The following KLLN variants were observed in gnomAD, a reference collection of about 807,000 sequenced individuals.
The protein encoded by KLLN is killin.
For missense variants in KLLN, 340 were observed against 241.3 expected (o/e 1.41, Z -2.71); for synonymous variants, 142 against 102.2 (o/e 1.39, Z -2.35).
chr10:87,862,145 C>T lies in KLLN; in HGVS notation c.343G>A (p.Ala115Thr), dbSNP rs1273305925. 2 of 1,550,608 alleles carry T rather than the reference C, an allele frequency of 1.3e-6. No homozygotes were observed. ...CGCTCCTTCGGGAGGCTGGTCCGAG[C>T]CCCTGTTTCCGCCGCGGCGCAGGAA... ...NPSCAAAETG[A>T]RTSLPKERCR... is the part of the protein sequence containing the mutation. The change falls in exon 1 of 1, where the codon GCT (alanine) becomes ACT (threonine). Residue 115 changes from alanine (A) to threonine (T), a missense_variant. Physicochemically the swap from Ala to Thr is moderately conservative, Grantham distance 58. Transcript: ENST00000445946.
In KLLN at chr10:87,862,444, A is replaced by C; in HGVS notation, c.44T>G (p.Val15Gly). 1 of 1,551,272 alleles carries C rather than the reference A, an allele frequency of 6.4e-7. No individual in the cohort carries two copies. The highest frequency in any genetic ancestry group is 8.7e-7 in the Non-Finnish European group (1 of 1,146,828). The stretch of plus-strand genomic sequence containing the variant: ...CTCAACCCGGTAACCCCAAACGTGC[A>C]CGGTCCGGCCGGGGCGCGCGGAGCC... ...GPGSARPGRT[V>G]HVWGYRVEWK... The change falls in exon 1 of 1, where the codon GTG becomes GGG. Residue 15 changes from valine to glycine, a missense_variant. By Grantham distance (109) the Val-to-Gly change is moderately radical. Coordinates refer to ENST00000445946, the MANE Select transcript of KLLN (RefSeq NM_001126049.2).
chr10:87,862,560 G>A lies in KLLN; in HGVS notation c.-73C>T. 7.4e-7 allele frequency: 1 copy of A among 1,358,004 alleles called. No homozygotes were observed. The highest frequency in any genetic ancestry group is 1.0e-6 in the Non-Finnish European group (1 of 1,003,696). 84.1% of individuals were successfully genotyped at this position (1,358,004 alleles called of 1,614,324 possible). Reference sequence around the variant, plus strand: ...TCTGAGAACCGAGCTTGACTCCGACGCCGCGAACCGACCTGGAGCCCGAGG... The same window carrying A: ...TCTGAGAACCGAGCTTGACTCCGACACCGCGAACCGACCTGGAGCCCGAGG... On this transcript the variant is annotated 5_prime_UTR_variant, in exon 1 of 1. Coordinates refer to ENST00000445946, the MANE Select transcript of KLLN (RefSeq NM_001126049.2).
chr10:87,862,294 G>C, the KLLN span: 10 of 1,551,766 alleles, frequency 6.4e-6, no homozygotes, highest in South Asian at 1.2e-5. Flanking sequence ...GGACACACGT[G>C]ACCTCCTTCG....
At position 87,862,263 on chromosome 10, in the gene KLLN, T is replaced by C; in HGVS notation, c.225A>G (p.Lys75=). The part of the protein sequence containing the change: ...SRVSLVGELS[K]FPLPSDSSGG... ...CGGAGCTATCACTGGGGAGTGGGAA[T>C]TTGGAAAGTTCCCCAACTAGGGACA... is the stretch of plus-strand genomic sequence containing the variant. The change falls in exon 1 of 1, where the codon AAA becomes AAG. Residue 75 remains lysine (K), a synonymous_variant. Transcript: ENST00000445946. The C allele has an allele frequency of 1.3e-6, 2 of 1,551,634 alleles. No homozygotes were observed. Among genetic ancestry groups the C allele is most frequent in the Non-Finnish European group, 1.7e-6 (2 of 1,146,958 alleles).
In KLLN at chr10:87,862,558, A is replaced by G. The variant is rs1162298547; in HGVS notation, c.-71T>C. On this transcript the variant is annotated 5_prime_UTR_variant, in exon 1 of 1. Coordinates refer to ENST00000445946, the MANE Select transcript of KLLN (RefSeq NM_001126049.2). ...TCTCTGAGAACCGAGCTTGACTCCG[A>G]CGCCGCGAACCGACCTGGAGCCCGA... is the stretch of plus-strand genomic sequence containing the variant. 7.3e-7 allele frequency: 1 copy of G among 1,375,350 alleles called. No homozygotes were observed. Among genetic ancestry groups the G allele is most frequent in the Admixed American group, 2.6e-5 (1 of 38,580 alleles). The allele number at this position is 1,375,350 out of a possible 1,614,324, so 85.2% of individuals were successfully genotyped here.
Position 87,860,894 on chromosome 10 carries a change from C to T in KLLN, c.*1057G>A, listed in dbSNP as rs970788362. 2 of 152,222 alleles carry T rather than the reference C, an allele frequency of 1.3e-5. No homozygotes were observed. Among genetic ancestry groups the T allele is most frequent in the African/African-American group, 2.4e-5 (1 of 41,452 alleles). 9.4% of individuals were successfully genotyped at this position (152,222 alleles called of 1,614,324 possible). ...ATACAATAATGAAATCTGTAGTTCACGCTAGGCTGTGTGGACAGTATCTGC... is the reference window on the plus strand; with the variant it reads ...ATACAATAATGAAATCTGTAGTTCATGCTAGGCTGTGTGGACAGTATCTGC... On this transcript the variant is annotated 3_prime_UTR_variant, in exon 1 of 1. Coordinates refer to ENST00000445946, the MANE Select transcript of KLLN (RefSeq NM_001126049.2).
At position 87,861,163 on chromosome 10, in the gene KLLN, G is replaced by C. The variant is rs894378768; in HGVS notation, c.*788C>G. On this transcript the variant is annotated 3_prime_UTR_variant, in exon 1 of 1. Transcript: ENST00000445946. ...CTCTAAGAACACTGTAAATATCCCA[G>C]GTTTAATTAGTAGTCCCGGAGTTAG... 6.6e-6 allele frequency: 1 copy of C among 152,190 alleles called. No individual in the cohort carries two copies. The highest frequency in any genetic ancestry group is 1.9e-4 in the East Asian group (1 of 5,204). 9.4% of individuals were successfully genotyped at this position (152,190 alleles called of 1,614,324 possible).
rs933395736 is a variant in KLLN at position 87,859,609 on chromosome 10, T to C, written c.*2342A>G. 6.6e-6 allele frequency: 1 copy of C among 152,174 alleles called. No individual in the cohort carries two copies. The highest frequency in any genetic ancestry group is 2.4e-5 in the African/African-American group (1 of 41,406). 9.4% of individuals were successfully genotyped at this position (152,174 alleles called of 1,614,324 possible). On this transcript the variant is annotated 3_prime_UTR_variant, in exon 1 of 1. Coordinates refer to ENST00000445946, the MANE Select transcript of KLLN (RefSeq NM_001126049.2). ...GGAATCAGCTGTTAGAAGCGATAAT[T>C]AAAGCTAGTTTACCATGCTTACTAA...
Position 87,862,415 on chromosome 10 carries a change from T to C in KLLN, c.73A>G (p.Lys25Glu), listed in dbSNP as rs752734295. 1.9e-6 allele frequency: 3 copies of C among 1,551,568 alleles called. No individual in the cohort carries two copies. The highest frequency in any genetic ancestry group is 2.0e-5 in the Admixed American group (1 of 51,000). Residue 25 changes from lysine (K) to glutamate (E), a missense_variant, in exon 1 of 1, where the codon AAA becomes GAA. Lys to Glu is a moderately conservative substitution (Grantham distance 56). Transcript: ENST00000445946. The part of the protein sequence containing the change: ...VHVWGYRVEW[K>E]VRNGRKLQPS... The stretch of plus-strand genomic sequence containing the variant: ...TGCAGCTTCCTACCGTTCCGTACTT[T>C]CCACTCAACCCGGTAACCCCAAACG...
At position 87,863,494 on chromosome 10, in the gene KLLN, G is replaced by A. The variant is rs587780001; in HGVS notation, c.-1007C>T. Reference sequence around the variant, plus strand: ...TCTCGCTCGCCTCCCGCCTCCCCTCGGTCTTCCGAGGCGCCCGGGCTCCCG... The same window carrying A: ...TCTCGCTCGCCTCCCGCCTCCCCTCAGTCTTCCGAGGCGCCCGGGCTCCCG... On this transcript the variant is annotated 5_prime_UTR_variant, in exon 1 of 1. Coordinates refer to ENST00000445946, the MANE Select transcript of KLLN (RefSeq NM_001126049.2). 6.6e-4 allele frequency: 253 copies of A among 383,564 alleles called. No individual in the cohort carries two copies. The highest frequency in any genetic ancestry group is 2.0e-3 in the Middle Eastern group (3 of 1,512). The allele number at this position is 383,564 out of a possible 1,614,324, so 23.8% of individuals were successfully genotyped here.
chr10:87,862,245 A>G lies in KLLN; in HGVS notation c.243T>C (p.Asp81=), dbSNP rs1178564526. 1 of 1,551,736 alleles carries G rather than the reference A, an allele frequency of 6.4e-7. No homozygotes were observed. Among genetic ancestry groups the G allele is most frequent in the South Asian group, 1.2e-5 (1 of 84,062 alleles). ...GELSKFPLPS[D]SSGGKSSSSF... ...AAGAAGACGACTTGCCTCCGGAGCT[A>G]TCACTGGGGAGTGGGAATTTGGAAA... The change falls in exon 1 of 1, where the codon GAT becomes GAC. Residue 81 remains aspartate, a synonymous_variant. Coordinates refer to ENST00000445946, the MANE Select transcript of KLLN (RefSeq NM_001126049.2).
rs1189396936 is a variant in KLLN, at chr10:87,863,296, A to T, written c.-809T>A. ...CAAAAGCCGCAGCAAGTGCAGCTGC[A>T]GGCTGGCGGCTGGGAACCGGCCCGA... On this transcript the variant is annotated 5_prime_UTR_variant, in exon 1 of 1. Transcript: ENST00000445946. 1 of 259,792 alleles carries T rather than the reference A, an allele frequency of 3.8e-6. No homozygotes were observed. Among genetic ancestry groups the T allele is most frequent in the Non-Finnish European group, 7.9e-6 (1 of 127,364 alleles). The allele number at this position is 259,792 out of a possible 1,614,324, so 16.1% of individuals were successfully genotyped here. A position where few individuals can be genotyped will look rare whatever the true frequency, so the allele number is the denominator to read the frequency against.
chr10:87,862,410 T>C lies in KLLN; in HGVS notation c.78A>G (p.Val26=). 1 of 1,551,594 alleles carries C rather than the reference T, an allele frequency of 6.4e-7. No individual in the cohort carries two copies. The highest frequency in any genetic ancestry group is 8.7e-7 in the Non-Finnish European group (1 of 1,146,956). Residue 26 remains valine (V), a synonymous_variant, in exon 1 of 1, where the codon GTA becomes GTG. Coordinates refer to ENST00000445946, the MANE Select transcript of KLLN (RefSeq NM_001126049.2). ...TGGGCTGCAGCTTCCTACCGTTCCG[T>C]ACTTTCCACTCAACCCGGTAACCCC... ...HVWGYRVEWK[V]RNGRKLQPSE...
At position 87,863,043 on chromosome 10, in the gene KLLN, G is replaced by A. The variant is rs1368036680; in HGVS notation, c.-556C>T. On this transcript the variant is annotated 5_prime_UTR_variant, in exon 1 of 1. It introduces an in-frame stop codon into an upstream open reading frame of the 5' UTR. Transcript: ENST00000445946. The stretch of plus-strand genomic sequence containing the variant: ...GGCAAGGGGGGAGGGTATTCCCCTT[G>A]CAGGGACCGTCCCTGCATTTCCCTC... 4.5e-5 allele frequency: 8 copies of A among 175,908 alleles called. No individual in the cohort carries two copies. The highest frequency in any genetic ancestry group is 6.4e-3 in the Middle Eastern group (2 of 312). The allele number at this position is 175,908 out of a possible 1,614,324, so 10.9% of individuals were successfully genotyped here.
rs1589592251 is a variant in KLLN, at chr10:87,862,197, G to A, written c.291C>T (p.Ala97=). 1 of 1,551,554 alleles carries A rather than the reference G, an allele frequency of 6.4e-7. No individual in the cohort carries two copies. The highest frequency in any genetic ancestry group is 1.4e-5 in the African/African-American group (1 of 73,074). Residue 97 remains alanine (A), a synonymous_variant, in exon 1 of 1, where the codon GCC becomes GCT. Coordinates refer to ENST00000445946, the MANE Select transcript of KLLN (RefSeq NM_001126049.2). ...SSSSFARGAL[A]WCRQRNPNPS... ...GGTTGGGGTTCCGCTGCCTGCACCA[G>A]GCAAGAGCACCCCGAGCAAAGGAAG...
chr10:87,860,371 G>A lies in KLLN; in HGVS notation c.*1580C>T, dbSNP rs1858236883. ...CCACTAGAGAGAAGTAGAGGGACCT[G>A]ATGTTTAGAGAAGCAGTAAAACCCA... is the stretch of plus-strand genomic sequence containing the variant. On this transcript the variant is annotated 3_prime_UTR_variant, in exon 1 of 1. Transcript: ENST00000445946. 1 of 152,200 alleles carries A rather than the reference G, an allele frequency of 6.6e-6. No homozygotes were observed. Among genetic ancestry groups the A allele is most frequent in the African/African-American group, 2.4e-5 (1 of 41,436 alleles). The allele number at this position is 152,200 out of a possible 1,614,324, so 9.4% of individuals were successfully genotyped here.
Position 87,862,547 on chromosome 10 carries a change from G to T in KLLN, c.-60C>A, listed in dbSNP as rs1350578201. 1.3e-5 allele frequency: 19 copies of T among 1,430,522 alleles called. No individual in the cohort carries two copies. Among genetic ancestry groups the T allele is most frequent in the Non-Finnish European group, 1.5e-5 (16 of 1,065,160 alleles). The allele number at this position is 1,430,522 out of a possible 1,614,324, so 88.6% of individuals were successfully genotyped here. A position where few individuals can be genotyped will look rare whatever the true frequency, so the allele number is the denominator to read the frequency against. On this transcript the variant is annotated 5_prime_UTR_variant, in exon 1 of 1. Transcript: ENST00000445946. ...GGGCTAGGTGGTCTCTGAGAACCGA[G>T]CTTGACTCCGACGCCGCGAACCGAC...
chr10:87,862,607 G>T lies in KLLN; in HGVS notation c.-120C>A, dbSNP rs1858297662. 19 of 941,414 alleles carry T rather than the reference G, an allele frequency of 2.0e-5. No homozygotes were observed. The South Asian group carries it at 3.3e-4, about 16-fold the overall frequency. The allele number at this position is 941,414 out of a possible 1,614,324, so 58.3% of individuals were successfully genotyped here. ...GAGGGGAAAGATGCTCGACTCTCTTGGGGGCACCGGAGCGGGCGCAGGAGA... is the reference window on the plus strand; with the variant it reads ...GAGGGGAAAGATGCTCGACTCTCTTTGGGGCACCGGAGCGGGCGCAGGAGA... On this transcript the variant is annotated 5_prime_UTR_variant, in exon 1 of 1. Coordinates refer to ENST00000445946, the MANE Select transcript of KLLN (RefSeq NM_001126049.2).
At position 87,862,352 on chromosome 10, in the gene KLLN, A is replaced by T. The variant is rs1256136542; in HGVS notation, c.136T>A (p.Phe46Ile). ...CGTGTATCCTTCCACCTCCTTTTGA[A>T]CCCTCCTAGGTCTCCTCGCCCCGCC... ...EWAGRGDLGG[F>I]KRRWKDTRAT... The change falls in exon 1 of 1, where the codon TTC (phenylalanine) becomes ATC (isoleucine). Residue 46 changes from phenylalanine to isoleucine, a missense_variant. Transcript: ENST00000445946. 1.9e-6 allele frequency: 3 copies of T among 1,551,054 alleles called. No individual in the cohort carries two copies. In the South Asian group the frequency reaches 3.6e-5, roughly 18 times the overall value.
Sources: allele counts gnomAD v4.1 joint callset, GRCh38; gene constraint gnomAD v4.1.1; transcripts MANE v1.5; gene names NCBI Gene and HGNC (gene_info 2026-07-23, HGNC 2026-07-21).